CALU: variants seen among roughly 807,000 people sequenced by gnomAD.
CALU encodes calumenin.
In CALU, 13 loss-of-function variants were observed where a neutral mutation model predicts 37.5. That is an observed-to-expected ratio of 0.35 (90% CI 0.23 to 0.55). The LOEUF is 0.55. Ranked by LOEUF, CALU falls within the 20% of genes least tolerant of loss-of-function variation. The probability of loss-of-function intolerance (pLI) is 0.89; values close to 1 mark genes in which losing one functional copy is unlikely to be tolerated. For synonymous variants in CALU, 114 were observed against 133.8 expected, an observed-to-expected ratio of 0.85 and a Z score of 1.02; for missense variants, 282 against 391.7, an observed-to-expected ratio of 0.72 and a Z score of 2.36.
intron 2 of CALU, among the ~76,000 whole-genome samples, chr7:128,751,977 A>G (rs1348879712): frequency 3.9e-5 from 6 of 152,224 alleles, no homozygotes; most frequent in South Asian, 4.1e-4. Context: ...TCACAGGACT[A>G]TGACACCATT....
intron 5 of CALU, among the ~76,000 whole-genome samples, chr7:128,760,893 G>T (rs1801088158): frequency 6.6e-6 from 1 of 152,244 alleles, no homozygotes; most frequent in Non-Finnish European, 1.5e-5. Flanking sequence ...GGGCTACAGA[G>T]CGAGACTCCG....
rs542646585 is a variant in CALU at position 128,759,788 on chromosome 7, T to G, written c.583-4T>G. 7.7e-7 allele frequency: 1 copy of G among 1,306,748 alleles called. No individual in the cohort carries two copies. The highest frequency in any genetic ancestry group is 1.7e-5 in the Admixed American group (1 of 59,502). 80.9% of individuals were successfully genotyped at this position (1,306,748 alleles called of 1,614,324 possible). A position where few individuals can be genotyped will look rare whatever the true frequency, so the allele number is the denominator to read the frequency against. The stretch of plus-strand genomic sequence containing the variant: ...ATAGTCTCTTCTTATTCTTTCCTGT[T>G]TAGGAAACAATGGAAGATATAGATA... On this transcript the variant is annotated splice_region_variant and splice_polypyrimidine_tract_variant and intron_variant, in intron 4 of 6. Transcript: ENST00000249364.
At position 128,769,197 on chromosome 7, in the gene CALU, G is replaced by T; in HGVS notation, c.*30G>T. The T allele has an allele frequency of 8.6e-7, 1 of 1,165,266 alleles. No homozygotes were observed. The highest frequency in any genetic ancestry group is 1.3e-6 in the Non-Finnish European group (1 of 789,706). 72.2% of individuals were successfully genotyped at this position (1,165,266 alleles called of 1,614,324 possible). A position where few individuals can be genotyped will look rare whatever the true frequency, so the allele number is the denominator to read the frequency against. ...CGGAGGAACCCTCATTTCCTCAAAAGTAATTTATTTTTACAGCTTCTGGTT... is the reference window on the plus strand; with the variant it reads ...CGGAGGAACCCTCATTTCCTCAAAATTAATTTATTTTTACAGCTTCTGGTT... On this transcript the variant is annotated 3_prime_UTR_variant, in exon 7 of 7. Transcript: ENST00000249364.
intron 3 of CALU, among the ~76,000 whole-genome samples, chr7:128,758,195 A>G (rs1464827200): frequency 1.3e-5 from 2 of 152,080 alleles, no homozygotes; most frequent in Non-Finnish European, 2.9e-5. Flanking sequence ...GATGAACAAT[A>G]CCTGTCACTC....
In CALU at chr7:128,770,293, A is replaced by G. The variant is rs1377226261; in HGVS notation, c.*1126A>G. On this transcript the variant is annotated 3_prime_UTR_variant, in exon 7 of 7. Coordinates refer to ENST00000249364, the MANE Select transcript of CALU (RefSeq NM_001219.5). The stretch of plus-strand genomic sequence containing the variant: ...TCTTCTTCCCTTTCTCTTTTGGACA[A>G]TAGTTAAATTAGCAGTATTAGTTAT... 2 of 152,638 alleles carry G rather than the reference A, an allele frequency of 1.3e-5. No homozygotes were observed. The highest frequency in any genetic ancestry group is 2.4e-5 in the African/African-American group (1 of 41,444). The allele number at this position is 152,638 out of a possible 1,614,324, so 9.5% of individuals were successfully genotyped here. A position where few individuals can be genotyped will look rare whatever the true frequency, so the allele number is the denominator to read the frequency against.
intron 1 of CALU, chr7:128,747,732 T>A (rs776034945): frequency 1.3e-5 from 2 of 152,282 alleles, no homozygotes; most frequent in Non-Finnish European, 2.9e-5. Flanking sequence ...CTGCAGCTTC[T>A]TTGCAGGTTT....
intron 2 of CALU, among the ~76,000 whole-genome samples, chr7:128,752,282 T>A (rs1323947231): frequency 6.6e-6 from 1 of 152,240 alleles, no homozygotes; most frequent in African/African-American, 2.4e-5. Flanking sequence ...AATTTTTTTC[T>A]TAAGTTTGCC....
At chr7:128,744,597 C>T (rs2128877445) in intron 1 of CALU, among the ~76,000 whole-genome samples, 1 of 152,192 alleles carries the variant, frequency 6.6e-6, no homozygotes, top group Non-Finnish European at 1.5e-5. Flanking sequence ...CTTTGTCCAT[C>T]TGGGTCCTTG....
At chr7:128,762,030 T>A (rs914864692) in intron 5 of CALU, among the ~76,000 whole-genome samples, 3 of 134,726 alleles carry the variant, frequency 2.2e-5, no homozygotes, top group Non-Finnish European at 4.7e-5. Flanking sequence ...AGGATGGATG[T>A]TTTCCTAAAC....
chr7:128,762,711 G>A (rs1335480049), intron 5 of CALU, among the ~76,000 whole-genome samples: 2 of 151,982 alleles, frequency 1.3e-5, no homozygotes, highest in Non-Finnish European at 2.9e-5. Context: ...CTGTCACCCA[G>A]GCTGGAGTGC....
intron 4 of CALU, 96 bp downstream of exon 4, chr7:128,759,133 A>ATATATATGCTATATAGCATATCAC: frequency 1.2e-6 from 1 of 858,420 alleles, no homozygotes; most frequent in Non-Finnish European, 1.8e-6. Flanking sequence ...TATCTTATAT[A>ATATATATGCTATATAGCATATCAC]TATATATGCT....
rs771480184 is a variant in CALU at position 128,771,579 on chromosome 7, A to G, written c.*2412A>G. The stretch of plus-strand genomic sequence containing the variant: ...GGGAACTCTCCTCGAAGTTCTCCCA[A>G]ACTCAGAGACAGCACTGCCTTCTCC... On this transcript the variant is annotated 3_prime_UTR_variant, in exon 7 of 7. Coordinates refer to ENST00000249364, the MANE Select transcript of CALU (RefSeq NM_001219.5). 3.9e-5 allele frequency: 6 copies of G among 152,574 alleles called. No individual in the cohort carries two copies. Among genetic ancestry groups the G allele is most frequent in the African/African-American group, 9.7e-5 (4 of 41,450 alleles). 9.5% of individuals were successfully genotyped at this position (152,574 alleles called of 1,614,324 possible).
Position 128,772,066 on chromosome 7 carries a change from T to G in CALU, c.*2899T>G, listed in dbSNP as rs1238807419. 7.0e-5 allele frequency among the ~76,000 whole-genome samples: 5 copies of G among 71,452 alleles called. No homozygotes were observed. The highest frequency in any genetic ancestry group is 2.0e-4 in the Non-Finnish European group (5 of 25,172). The allele number at this position is 71,452 out of a possible 152,430, so 46.9% of individuals were successfully genotyped here. On this transcript the variant is annotated 3_prime_UTR_variant, in exon 7 of 7. Transcript: ENST00000249364. ...TTGGGGCCACTGAGTTTTTTTTGTT[T>G]TTTTTTTTGTTTTGTTTTGTTTTTT... is the stretch of plus-strand genomic sequence containing the variant.
At chr7:128,741,084 G>T (rs574234458) in intron 1 of CALU, among the ~76,000 whole-genome samples, 1 of 152,208 alleles carries the variant, frequency 6.6e-6, no homozygotes, top group African/African-American at 2.4e-5. Context: ...CAGGGATATT[G>T]AAAGGACAGA....
At chr7:128,767,700 G>C (rs760178952) in intron 6 of CALU, 45 bp downstream of exon 6, 1 of 1,462,922 alleles carries the variant, frequency 6.8e-7, no homozygotes, top group East Asian at 2.3e-5. Context: ...ATTGAAGTAT[G>C]CTTCTAGGGG....
chr7:128,757,340 C>T (rs1395701115), intron 3 of CALU, among the ~76,000 whole-genome samples: 1 of 149,162 alleles, frequency 6.7e-6, no homozygotes, highest in African/African-American at 2.5e-5. Context: ...TTCTCCATCT[C>T]AACCTATTAT....
Position 128,759,790 on chromosome 7 carries a change from AG to A in CALU, c.583del. 7.6e-7 allele frequency: 1 copy of A among 1,316,266 alleles called. No individual in the cohort carries two copies. Among genetic ancestry groups the A allele is most frequent in the Non-Finnish European group, 1.1e-6 (1 of 908,912 alleles). The allele number at this position is 1,316,266 out of a possible 1,614,324, so 81.5% of individuals were successfully genotyped here. ...AGTCTCTTCTTATTCTTTCCTGTTT[AG>A]GAAACAATGGAAGATATAGATAAGA... On this transcript the variant is annotated splice_acceptor_variant, in intron 4 of 6. Coordinates refer to ENST00000249364, the MANE Select transcript of CALU (RefSeq NM_001219.5). LOFTEE classifies it high-confidence loss of function.
chr7:128,741,587 A>G (rs750588984), intron 1 of CALU, among the ~76,000 whole-genome samples: 1 of 152,184 alleles, frequency 6.6e-6, no homozygotes, highest in African/African-American at 2.4e-5. Flanking sequence ...AAAAGATAAC[A>G]GATCACTTCC....
chr7:128,748,182 C>T, intron 1 of CALU: 1 of 523,414 alleles, frequency 1.9e-6, no homozygotes. Flanking sequence ...GAAGACCAGA[C>T]CACCAATGCG....
Sources: gnomAD v4.1 joint callset for allele counts (sites outside exome capture counted in the v4.1 genomes callset) on GRCh38, gnomAD v4.1.1 for gene constraint, MANE v1.5 for transcripts, NCBI Gene and HGNC (gene_info 2026-07-23, HGNC 2026-07-21) for gene names.